Variants in PPP6R3 observed in about 807,000 individuals in gnomAD.
The protein encoded by PPP6R3 is serine/threonine-protein phosphatase 6 regulatory subunit 3.
A neutral mutation model predicts 110.7 loss-of-function variants in PPP6R3; 38 were observed. The ratio of observed to expected loss-of-function variants is 0.34; its 90% CI spans 0.26 to 0.45. The LOEUF (loss-of-function observed/expected upper bound fraction) is 0.45. Among genes scored for constraint, PPP6R3 ranks in the 20% least tolerant of loss-of-function variants. The pLI, the probability that PPP6R3 is intolerant of heterozygous loss-of-function variation, is 1.00. For missense variants in PPP6R3, 870 were observed against 1,062.4 expected (o/e 0.82, Z 2.52); for synonymous variants, 369 against 373.5 (o/e 0.99, Z 0.14).
intron 6 of PPP6R3, among the ~76,000 whole-genome samples, chr11:68,553,628 T>G (rs2099389343): frequency 6.6e-6 from 1 of 152,168 alleles, no homozygotes; most frequent in Non-Finnish European, 1.5e-5. Context: ...AAAAAGTATG[T>G]GCATCCTTCT....
Position 68,611,931 on chromosome 11 carries a change from G to T in PPP6R3, c.2571-1135G>T, listed in dbSNP as rs1943658772. Among the ~76,000 whole-genome samples the T allele has an allele frequency of 4.6e-5, 7 of 152,228 alleles. No individual in the cohort carries two copies. The South Asian group carries it at 1.4e-3, about 31-fold the overall frequency. On this transcript the variant is annotated intron_variant, in intron 23 of 23. Transcript: ENST00000393800. The stretch of plus-strand genomic sequence containing the variant: ...TGTTTCCTGTCACACTTAAAGATCT[G>T]CATTGCCACATGATCTCACTTTTCA...
At chr11:68,464,184 G>T (rs2098729055) in intron 1 of PPP6R3, among the ~76,000 whole-genome samples, 1 of 152,228 alleles carries the variant, frequency 6.6e-6, no homozygotes, top group Admixed American at 6.5e-5. Context: ...CCAGGCTGGA[G>T]TGTGGTGGTG....
At chr11:68,512,538 C>A (rs200897912) in intron 1 of PPP6R3, among the ~76,000 whole-genome samples, 1 of 152,156 alleles carries the variant, frequency 6.6e-6, no homozygotes, top group African/African-American at 2.4e-5. Flanking sequence ...TTTGGTTGTG[C>A]GTAGGATAGT....
chr11:68,565,322 T>A (rs1234944446), intron 9 of PPP6R3, among the ~76,000 whole-genome samples: 1 of 152,016 alleles, frequency 6.6e-6, no homozygotes, highest in Non-Finnish European at 1.5e-5. Context: ...CAGGTCGTGG[T>A]TCCATCACTG....
intron 1 of PPP6R3, among the ~76,000 whole-genome samples, chr11:68,482,298 C>T (rs953652828): frequency 6.6e-6 from 1 of 150,988 alleles, no homozygotes; most frequent in African/African-American, 2.4e-5. Context: ...CCTGTAATCC[C>T]AGCTACTCAG....
intron 15 of PPP6R3, 122 bp from the exon 16 acceptor site, chr11:68,587,805 C>T (rs2099583525): frequency 2.2e-6 from 2 of 890,660 alleles, no homozygotes; most frequent in Non-Finnish European, 3.8e-6. Flanking sequence ...TAGAAAAACA[C>T]ACCAACTTTT....
intron 20 of PPP6R3, among the ~76,000 whole-genome samples, chr11:68,601,609 T>C (rs1044761937): frequency 2.0e-5 from 3 of 152,208 alleles, no homozygotes; most frequent in African/African-American, 7.2e-5. Context: ...TGAGCCTGTC[T>C]AGAATGCTTT....
chr11:68,516,472 C>A lies in PPP6R3; in HGVS notation c.-157-3029C>A, dbSNP rs530499524. Among the ~76,000 whole-genome samples, 3 of 152,288 alleles carry A rather than the reference C, an allele frequency of 2.0e-5. No individual in the cohort carries two copies. In the East Asian group the frequency reaches 5.8e-4, roughly 29 times the overall value. ...AGATTTGGGCCCTATCCCAAGATAT[C>A]TCATTATGTATATGCAGATATTTAA... On this transcript the variant is annotated intron_variant, in intron 1 of 23. Transcript: ENST00000393800.
At chr11:68,502,130 G>A (rs910465605) in intron 1 of PPP6R3, among the ~76,000 whole-genome samples, 7 of 152,160 alleles carry the variant, frequency 4.6e-5, no homozygotes, top group East Asian at 1.9e-4. Flanking sequence ...GTGTTTCTAC[G>A]AAAGACAATG....
At chr11:68,466,870 C>T (rs953863388) in intron 1 of PPP6R3, among the ~76,000 whole-genome samples, 2 of 151,990 alleles carry the variant, frequency 1.3e-5, no homozygotes, top group African/African-American at 4.8e-5. Flanking sequence ...GCCTTGGCCT[C>T]CCAAAGTGCT....
chr11:68,599,158 C>T (rs533618779), intron 19 of PPP6R3, among the ~76,000 whole-genome samples: 2 of 152,186 alleles, frequency 1.3e-5, no homozygotes, highest in Admixed American at 6.5e-5. Context: ...TACCAGTTTC[C>T]CTAGCATTCC....
chr11:68,547,482 AC>A (rs374015316), intron 4 of PPP6R3, among the ~76,000 whole-genome samples: 77 of 152,308 alleles, frequency 5.1e-4, no homozygotes, highest in African/African-American at 1.8e-3. Flanking sequence ...GGCCATTCTC[AC>A]GTTCCTTCAG....
At chr11:68,569,457 T>C (rs993311933) in intron 10 of PPP6R3, among the ~76,000 whole-genome samples, 8 of 152,238 alleles carry the variant, frequency 5.3e-5, no homozygotes, top group African/African-American at 1.9e-4. Context: ...AGAACAATTA[T>C]AAATCTATAC....
rs760337672 is a variant in PPP6R3 at position 68,519,445 on chromosome 11, A to G, written c.-157-56A>G. 1.8e-4 allele frequency: 69 copies of G among 393,242 alleles called. No individual in the cohort carries two copies. In the Middle Eastern group the frequency reaches 3.2e-3, roughly 18 times the overall value. The allele number at this position is 393,242 out of a possible 1,614,324, so 24.4% of individuals were successfully genotyped here. A position where few individuals can be genotyped will look rare whatever the true frequency, so the allele number is the denominator to read the frequency against. The stretch of plus-strand genomic sequence containing the variant: ...GACCCAGTATGCTTTAATGGCAGCT[A>G]TCATCACACCAAAAGAGAACATATG... On this transcript the variant is annotated intron_variant, in intron 1 of 23. Transcript: ENST00000393800.
intron 1 of PPP6R3, among the ~76,000 whole-genome samples, chr11:68,476,134 C>G (rs75458980): frequency 6.6e-6 from 1 of 152,216 alleles, no homozygotes; most frequent in African/African-American, 2.4e-5. Context: ...GAGGTTGTAG[C>G]TAGCCGAGAT....
chr11:68,530,800 G>A (rs948110755), intron 2 of PPP6R3, among the ~76,000 whole-genome samples: 2 of 152,122 alleles, frequency 1.3e-5, no homozygotes, highest in Non-Finnish European at 2.9e-5. Flanking sequence ...CAGTTATTTC[G>A]CAGTTGATAG....
At chr11:68,573,899 T>C (rs2099520172) in intron 12 of PPP6R3, among the ~76,000 whole-genome samples, 1 of 152,216 alleles carries the variant, frequency 6.6e-6, no homozygotes, top group Non-Finnish European at 1.5e-5. Context: ...ATATAATCTT[T>C]TACAATTTCA....
In PPP6R3 at chr11:68,558,648, T is replaced by C. The variant is rs746594282; in HGVS notation, c.814T>C (p.Leu272=). ...ESAIVSAIQI[L]LTLLETRRPT... ...AGCCATAGTCAGTGCAATCCAGATA[T>C]TGCTGACTTTACTTGAGACACGACG... is the stretch of plus-strand genomic sequence containing the variant. The change falls in exon 8 of 24, where the codon TTG becomes CTG. Residue 272 remains leucine (L), a synonymous_variant. Transcript: ENST00000393800. 3.1e-6 allele frequency: 5 copies of C among 1,612,312 alleles called. No individual in the cohort carries two copies. Among genetic ancestry groups the C allele is most frequent in the Middle Eastern group, 1.6e-4 (1 of 6,076 alleles).
At chr11:68,564,218 C>A in intron 8 of PPP6R3, 85 bp from the exon 9 acceptor site, 1 of 1,338,452 alleles carries the variant, frequency 7.5e-7, no homozygotes, top group Non-Finnish European at 1.0e-6. Context: ...TTGATATAAT[C>A]ATTAAGTAAA....
Sources: gnomAD v4.1 joint callset for allele counts (sites outside exome capture counted in the v4.1 genomes callset) on GRCh38, gnomAD v4.1.1 for gene constraint, MANE v1.5 for transcripts, NCBI Gene and HGNC (gene_info 2026-07-23, HGNC 2026-07-21) for gene names.